The following ALG9 variants were observed in gnomAD, a reference collection of about 807,000 sequenced individuals.
The protein encoded by ALG9 is ALG9 alpha-1,2-mannosyltransferase, also known as alpha-1,2-mannosyltransferase ALG9.
A neutral mutation model predicts 81.8 loss-of-function variants in ALG9; 55 were observed. The observed-to-expected ratio is 0.67, with a 90% CI of 0.54 to 0.84. The LOEUF (loss-of-function observed/expected upper bound fraction) is 0.84. Among genes scored for constraint, ALG9 ranks in the 40% least tolerant of loss-of-function variants. The probability of loss-of-function intolerance (pLI) is 0.00; values close to 1 mark genes in which losing one functional copy is unlikely to be tolerated. For missense variants in ALG9, 629 were observed against 745.0 expected (o/e 0.84, Z 1.81); for synonymous variants, 278 against 274.3 (o/e 1.01, Z -0.13).
At chr11:111,868,776 C>T in intron 2 of ALG9, 40 bp from the exon 3 acceptor site, 2 of 1,526,094 alleles carry the variant, frequency 1.3e-6, no homozygotes, top group African/African-American at 1.4e-5. Flanking sequence ...TTATACTGGC[C>T]AAAAATCTCT....
chr11:111,857,395 A>T (rs1242676073), intron 6 of ALG9, among the ~76,000 whole-genome samples: 3 of 152,224 alleles, frequency 2.0e-5, no homozygotes, highest in African/African-American at 7.2e-5. Flanking sequence ...CACTGTGCCT[A>T]ACACATAGCA....
chr11:111,846,522 G>A (rs923966523), intron 8 of ALG9, among the ~76,000 whole-genome samples: 4 of 152,128 alleles, frequency 2.6e-5, no homozygotes, highest in African/African-American at 9.7e-5. Flanking sequence ...CTGAGATGAG[G>A]AAACAAAAGT....
intron 6 of ALG9, 47 bp downstream of exon 6, chr11:111,857,555 T>C (rs1958902017): frequency 6.2e-7 from 1 of 1,613,088 alleles, no homozygotes; most frequent in Non-Finnish European, 8.5e-7. Context: ...CATTAAGATT[T>C]ACTATATGCC....
chr11:111,857,468 T>G, intron 6 of ALG9, 134 bp downstream of exon 6: 1 of 1,148,502 alleles, frequency 8.7e-7, no homozygotes. Flanking sequence ...AGAGAAATAT[T>G]CTTCCATTTC....
At chr11:111,867,360 T>C (rs1347298367) in intron 3 of ALG9, among the ~76,000 whole-genome samples, 1 of 152,194 alleles carries the variant, frequency 6.6e-6, no homozygotes, top group Non-Finnish European at 1.5e-5. Context: ...AGTCCATCGA[T>C]AGATTCCAAC....
At chr11:111,815,275 C>T (rs782533631) in intron 13 of ALG9, among the ~76,000 whole-genome samples, 26 of 152,148 alleles carry the variant, frequency 1.7e-4, no homozygotes, top group Middle Eastern at 6.8e-3. Context: ...TGTGGTGGCT[C>T]GCACTTGTAG....
chr11:111,856,827 C>T (rs2137095475), intron 6 of ALG9, among the ~76,000 whole-genome samples: 1 of 152,206 alleles, frequency 6.6e-6, no homozygotes, highest in East Asian at 1.9e-4. Context: ...GAAGACTGGG[C>T]CAGGCGCAGT....
intron 14 of ALG9, among the ~76,000 whole-genome samples, chr11:111,792,152 ACTT>A (rs1244602541): frequency 6.6e-6 from 1 of 152,226 alleles, no homozygotes; most frequent in Non-Finnish European, 1.5e-5. Context: ...TCCACCTCTC[ACTT>A]CTTTTCTCTC....
chr11:111,827,179 T>C (rs1403678974), intron 13 of ALG9, among the ~76,000 whole-genome samples: 12 of 152,188 alleles, frequency 7.9e-5, no homozygotes, highest in African/African-American at 2.7e-4. Context: ...GGGACTTTTC[T>C]TAAATGACAG....
In ALG9 at chr11:111,860,513, G is replaced by T. The variant is rs185789829; in HGVS notation, c.565+34C>A. On this transcript the variant is annotated intron_variant, in intron 5 of 14. Transcript: ENST00000616540. ...TCTGCCCTTTTACTTACCTGGTGAT[G>T]ACCTGCAATTCCCTCATCTGCCCTT... 1.4e-5 allele frequency: 22 copies of T among 1,570,944 alleles called. No individual in the cohort carries two copies. The African/African-American group carries it at 2.6e-4, about 18-fold the overall frequency.
chr11:111,854,612 T>C (rs546114458), intron 6 of ALG9, among the ~76,000 whole-genome samples: 1 of 152,182 alleles, frequency 6.6e-6, no homozygotes, highest in Non-Finnish European at 1.5e-5. Context: ...CTATCATTGA[T>C]TTAGCAATGT....
At chr11:111,792,769 G>A (rs1555071590) in intron 14 of ALG9, among the ~76,000 whole-genome samples, 3 of 152,160 alleles carry the variant, frequency 2.0e-5, no homozygotes, top group Admixed American at 2.0e-4. Flanking sequence ...AGCTAAGAAG[G>A]ATCTATTTAA....
At chr11:111,816,742 T>G (rs1002299917) in intron 13 of ALG9, among the ~76,000 whole-genome samples, 1 of 152,128 alleles carries the variant, frequency 6.6e-6, no homozygotes, top group Non-Finnish European at 1.5e-5. Context: ...TTTTTTAAAA[T>G]AGAGACAAGG....
intron 8 of ALG9, among the ~76,000 whole-genome samples, chr11:111,848,870 G>A (rs609007): frequency 0.7 from 106,845 of 151,956 alleles, 38,130 homozygotes; most frequent in African/African-American, 0.83. Context: ...CTCAAGAGCC[G>A]CACCTTTCTT....
rs544989869 is a variant in ALG9 at position 111,849,970 on chromosome 11, A to C, written c.895+3410T>G. 2.2e-4 allele frequency among the ~76,000 whole-genome samples: 34 copies of C among 152,298 alleles called. 1 individual carries two copies. In the South Asian group the frequency reaches 5.2e-3, roughly 23 times the overall value. ...AATGCCAAATAGTGCCCAACATGTA[A>C]TAAAGTGAAAGAGCTAGCATTTCCA... On this transcript the variant is annotated intron_variant, in intron 8 of 14. Coordinates refer to ENST00000616540, the MANE Select transcript of ALG9 (RefSeq NM_024740.2).
chr11:111,860,017 T>C (rs969470262), intron 5 of ALG9, among the ~76,000 whole-genome samples: 2 of 152,142 alleles, frequency 1.3e-5, no homozygotes, highest in Admixed American at 6.6e-5. Context: ...TTATTCTAAA[T>C]TTCCAGAAGC....
In ALG9 at chr11:111,784,856, T is replaced by C. The variant is rs528361665; in HGVS notation, c.*1541A>G. 1 of 152,346 alleles carries C rather than the reference T, an allele frequency of 6.6e-6. No individual in the cohort carries two copies. Among genetic ancestry groups the C allele is most frequent in the East Asian group, 1.9e-4 (1 of 5,186 alleles). The allele number at this position is 152,346 out of a possible 1,614,324, so 9.4% of individuals were successfully genotyped here. A position where few individuals can be genotyped will look rare whatever the true frequency, so the allele number is the denominator to read the frequency against. The stretch of plus-strand genomic sequence containing the variant: ...ATTGACTACAGGAATAGTACTGATA[T>C]TTGGATCCTGTGTGGCTGCAAAAGA... On this transcript the variant is annotated 3_prime_UTR_variant, in exon 15 of 15. Transcript: ENST00000616540.
chr11:111,840,449 C>G (rs1186258499), intron 10 of ALG9, among the ~76,000 whole-genome samples: 9 of 152,140 alleles, frequency 5.9e-5, no homozygotes, highest in Non-Finnish European at 1.3e-4. Context: ...CAAATTAACA[C>G]TGCAAACATG....
chr11:111,821,401 T>C (rs1555103519), intron 13 of ALG9, among the ~76,000 whole-genome samples: 2 of 152,272 alleles, frequency 1.3e-5, no homozygotes, highest in South Asian at 2.1e-4. Flanking sequence ...CCCTGGGGCC[T>C]CCTGCTTATT....
Sources: gnomAD v4.1 joint callset for allele counts (sites outside exome capture counted in the v4.1 genomes callset) on GRCh38, gnomAD v4.1.1 for gene constraint, MANE v1.5 for transcripts, NCBI Gene and HGNC (gene_info 2026-07-23, HGNC 2026-07-21) for gene names.